The following RAB3B variants were observed in gnomAD, a reference collection of about 807,000 sequenced individuals.
RAB3B encodes the protein RAB3B, member RAS oncogene family.
RAB3B carries 11 observed loss-of-function variants against 20.5 expected under a neutral mutation model. That is an observed-to-expected ratio of 0.54 (90% confidence interval 0.34 to 0.89). The LOEUF (loss-of-function observed/expected upper bound fraction) is 0.89, where lower values mean the gene tolerates loss of function less well. Ranked by LOEUF, RAB3B falls within the 40% of genes least tolerant of loss-of-function variation. The pLI is 0.02. For synonymous variants in RAB3B, 99 were observed against 106.3 expected (o/e 0.93, Z 0.42); for missense variants, 225 against 280.9 (o/e 0.80, Z 1.42).
intron 2 of RAB3B, among the ~76,000 whole-genome samples, chr1:51,973,083 A>G (rs1279952626): frequency 6.6e-6 from 1 of 152,188 alleles, no homozygotes; most frequent in Non-Finnish European, 1.5e-5. Flanking sequence ...ATTTTTCTAA[A>G]ATGCAAATCT....
chr1:51,930,217 T>C (rs1413695931), intron 4 of RAB3B, among the ~76,000 whole-genome samples: 1 of 152,220 alleles, frequency 6.6e-6, no homozygotes, highest in Non-Finnish European at 1.5e-5. Flanking sequence ...TTGATAGGTT[T>C]ATACTGAGTC....
At chr1:51,967,598 G>T (rs1427692447) in intron 2 of RAB3B, among the ~76,000 whole-genome samples, 2 of 140,330 alleles carry the variant, frequency 1.4e-5, no homozygotes, top group African/African-American at 5.2e-5. Flanking sequence ...TATAGCTCAA[G>T]GCAGCCTTGA....
At chr1:51,972,666 C>T (rs1446089808) in intron 2 of RAB3B, among the ~76,000 whole-genome samples, 1 of 151,986 alleles carries the variant, frequency 6.6e-6, no homozygotes, top group Non-Finnish European at 1.5e-5. Context: ...TATCTCTCCC[C>T]CATGCCCATG....
rs567763827 is a variant in RAB3B, at chr1:51,923,449, C to T, written c.473-3335G>A. 7.2e-5 allele frequency among the ~76,000 whole-genome samples: 11 copies of T among 152,260 alleles called. No homozygotes were observed. The South Asian group carries it at 2.3e-3, about 32-fold the overall frequency. ...TCAGAACTCAGGCTGGGTGCAGTGG[C>T]TCACGCCTGTAATCCCTGCAGTTTG... On this transcript the variant is annotated intron_variant, in intron 4 of 4. Coordinates refer to ENST00000371655, the MANE Select transcript of RAB3B (RefSeq NM_002867.4).
intron 4 of RAB3B, among the ~76,000 whole-genome samples, chr1:51,923,795 G>T (rs1473855022): frequency 1.3e-5 from 2 of 151,880 alleles, no homozygotes; most frequent in Non-Finnish European, 2.9e-5. Context: ...AGTACTTTGG[G>T]GGTGCCAAGG....
chr1:51,983,424 T>C (rs1685112996), intron 1 of RAB3B, among the ~76,000 whole-genome samples: 1 of 152,208 alleles, frequency 6.6e-6, no homozygotes, highest in African/African-American at 2.4e-5. Context: ...CTACATTCAA[T>C]ACAGTAACAT....
rs1404913011 is a variant in RAB3B at position 51,917,951 on chromosome 1, T to G, written c.*1976A>C. The G allele has an allele frequency of 1.3e-5, 2 of 152,204 alleles. No individual in the cohort carries two copies. The highest frequency in any genetic ancestry group is 2.9e-5 in the Non-Finnish European group (2 of 68,032). The allele number at this position is 152,204 out of a possible 1,614,324, so 9.4% of individuals were successfully genotyped here. On this transcript the variant is annotated 3_prime_UTR_variant, in exon 5 of 5. Transcript: ENST00000371655. ...AAGAAAACTGGCGAGAGACTCCTCC[T>G]GCCCGCTGACTTTTGAGGTGGCTGA...
Position 51,989,029 on chromosome 1 carries a change from T to C in RAB3B, c.-1+1523A>G, listed in dbSNP as rs545281804. 1.0e-3 allele frequency among the ~76,000 whole-genome samples: 151 copies of C among 149,394 alleles called. 1 individual carries two copies. The highest frequency in any genetic ancestry group is 2.0e-3 in the Non-Finnish European group (138 of 67,338). On this transcript the variant is annotated intron_variant, in intron 1 of 4. Coordinates refer to ENST00000371655, the MANE Select transcript of RAB3B (RefSeq NM_002867.4). Reference sequence around the variant, plus strand: ...CACCAGGGCTTTCCACTTCTATAGATAGGGCCTTTCACGGCTTCCATTGTC... The same window carrying C: ...CACCAGGGCTTTCCACTTCTATAGACAGGGCCTTTCACGGCTTCCATTGTC...
At chr1:51,922,564 A>T (rs916292560) in intron 4 of RAB3B, among the ~76,000 whole-genome samples, 1 of 152,002 alleles carries the variant, frequency 6.6e-6, no homozygotes, top group Non-Finnish European at 1.5e-5. Flanking sequence ...TCTCTTTCCT[A>T]TATGTTCCTG....
At chr1:51,954,929 G>T (rs1046789071) in intron 2 of RAB3B, among the ~76,000 whole-genome samples, 1 of 152,230 alleles carries the variant, frequency 6.6e-6, no homozygotes, top group East Asian at 1.9e-4. Context: ...TTGAATGCCA[G>T]GTCAAGGTGC....
chr1:51,926,693 A>G (rs1684248267), intron 4 of RAB3B, among the ~76,000 whole-genome samples: 2 of 152,224 alleles, frequency 1.3e-5, no homozygotes, highest in Admixed American at 6.5e-5. Context: ...AGAAACTATG[A>G]CAGGCTTTTG....
At chr1:51,940,329 A>G (rs928834567) in intron 2 of RAB3B, among the ~76,000 whole-genome samples, 2 of 152,166 alleles carry the variant, frequency 1.3e-5, no homozygotes, top group African/African-American at 4.8e-5. Context: ...GTGGTATAAA[A>G]AAAAATGAGT....
rs1194730072 is a variant in RAB3B, at chr1:51,909,178, T to C, written c.*10749A>G. 6.6e-6 allele frequency: 1 copy of C among 152,124 alleles called. No homozygotes were observed. Among genetic ancestry groups the C allele is most frequent in the Non-Finnish European group, 1.5e-5 (1 of 68,044 alleles). 9.4% of individuals were successfully genotyped at this position (152,124 alleles called of 1,614,324 possible). A position where few individuals can be genotyped will look rare whatever the true frequency, so the allele number is the denominator to read the frequency against. ...GTATTTCTAGATGAGGTTAGGTTCC[T>C]GGGACAGGAGTGTGTATTGAGGTGG... On this transcript the variant is annotated 3_prime_UTR_variant, in exon 5 of 5. Coordinates refer to ENST00000371655, the MANE Select transcript of RAB3B (RefSeq NM_002867.4).
chr1:51,954,675 T>TA (rs765954991), intron 2 of RAB3B, among the ~76,000 whole-genome samples: 73 of 152,218 alleles, frequency 4.8e-4, no homozygotes, highest in Non-Finnish European at 8.4e-4. Flanking sequence ...TAAAATAGCT[T>TA]AAAAAAATAG....
At chr1:51,961,102 A>C (rs555986940) in intron 2 of RAB3B, among the ~76,000 whole-genome samples, 1 of 152,300 alleles carries the variant, frequency 6.6e-6, no homozygotes, top group Non-Finnish European at 1.5e-5. Context: ...CCACAGCTGA[A>C]GTAATTAAGC....
At position 51,976,875 on chromosome 1, in the gene RAB3B, A is replaced by T; in HGVS notation, c.228+15T>A. On this transcript the variant is annotated intron_variant, in intron 2 of 4. Coordinates refer to ENST00000371655, the MANE Select transcript of RAB3B (RefSeq NM_002867.4). ...GCTTCTCAGGAAAATCCTGCCCAAG[A>T]TTCCCGGGACTCACCCAGATCTGCA... The T allele has an allele frequency of 6.2e-7, 1 of 1,610,166 alleles. No homozygotes were observed. Among genetic ancestry groups the T allele is most frequent in the Admixed American group, 1.7e-5 (1 of 59,992 alleles).
chr1:51,930,164 T>C (rs890675503), intron 4 of RAB3B, among the ~76,000 whole-genome samples: 22 of 152,226 alleles, frequency 1.4e-4, no homozygotes, highest in African/African-American at 5.3e-4. Context: ...AACATGGCAC[T>C]AAGATTTAAT....
chr1:51,914,643 T>A lies in RAB3B; in HGVS notation c.*5284A>T, dbSNP rs891321947. 1 of 152,170 alleles carries A rather than the reference T, an allele frequency of 6.6e-6. No homozygotes were observed. Among genetic ancestry groups the A allele is most frequent in the Non-Finnish European group, 1.5e-5 (1 of 68,036 alleles). 9.4% of individuals were successfully genotyped at this position (152,170 alleles called of 1,614,324 possible). ...ACCTTAAAAAACCATCATTTAACAG[T>A]ATTTATATCTCACGGACTAGTGTTT... is the stretch of plus-strand genomic sequence containing the variant. On this transcript the variant is annotated 3_prime_UTR_variant, in exon 5 of 5. Coordinates refer to ENST00000371655, the MANE Select transcript of RAB3B (RefSeq NM_002867.4).
intron 4 of RAB3B, among the ~76,000 whole-genome samples, chr1:51,932,104 G>T (rs1015565317): frequency 1.3e-5 from 2 of 152,012 alleles, no homozygotes; most frequent in Non-Finnish European, 2.9e-5. Flanking sequence ...CAGTTTACAG[G>T]ACACCTTGGG....
Sources: allele counts gnomAD v4.1 joint callset (sites outside exome capture counted in the v4.1 genomes callset), GRCh38; gene constraint gnomAD v4.1.1; transcripts MANE v1.5; gene names NCBI Gene and HGNC (gene_info 2026-07-23, HGNC 2026-07-21).